ZNHIT6: variants seen among roughly 807,000 people sequenced by gnomAD.
The protein encoded by ZNHIT6 is zinc finger HIT-type containing 6.
Under a neutral mutation model 57.2 loss-of-function variants are expected in ZNHIT6, and 45 were observed. The observed-to-expected ratio is 0.79, with a 90% CI of 0.62 to 1.01. ZNHIT6 has a LOEUF of 1.01. Among genes scored for constraint, ZNHIT6 ranks in the 50% least tolerant of loss-of-function variants. The probability of loss-of-function intolerance (pLI) is 0.00; values close to 1 mark genes in which losing one functional copy is unlikely to be tolerated. For missense variants in ZNHIT6, 528 were observed against 567.3 expected, an observed-to-expected ratio of 0.93 and a Z score of 0.70; for synonymous variants, 188 against 190.0, an observed-to-expected ratio of 0.99 and a Z score of 0.09.
chr1:85,706,491 TACC>T lies in ZNHIT6; in HGVS notation c.670_672del (p.Gly224del), dbSNP rs1662690037. The T allele has an allele frequency of 1.3e-6, 2 of 1,583,714 alleles. No individual in the cohort carries two copies. Among genetic ancestry groups the T allele is most frequent in the Non-Finnish European group, 1.7e-6 (2 of 1,172,860 alleles). Reference sequence around the variant, plus strand: ...GGACATCTGTACTTTGCTTCTTCTGTACCACAAGTCTCACACCTACAAAAGCCC... The same window carrying T: ...GGACATCTGTACTTTGCTTCTTCTGTACAAGTCTCACACCTACAAAAGCCC... On this transcript the variant is annotated inframe_deletion, in exon 2 of 10. Transcript: ENST00000370574.
At chr1:85,687,619 A>C (rs1360400770) in intron 5 of ZNHIT6, among the ~76,000 whole-genome samples, 1 of 152,188 alleles carries the variant, frequency 6.6e-6, no homozygotes, top group Admixed American at 6.5e-5. Context: ...TCCATAGTAT[A>C]TTCAGGACAT....
At position 85,708,124 on chromosome 1, in the gene ZNHIT6, A is replaced by G. The variant is rs1570343169; in HGVS notation, c.161T>C (p.Ile54Thr). The change falls in exon 1 of 10, where the codon ATA becomes ACA. Residue 54 changes from isoleucine (I) to threonine (T), a missense_variant. Transcript: ENST00000370574. ...TTCCTCTCCATCCCCTATCTCCTTTATCCCTGTCAGCCCTGTCCCCTCCTC... is the reference window on the plus strand; with the variant it reads ...TTCCTCTCCATCCCCTATCTCCTTTGTCCCTGTCAGCCCTGTCCCCTCCTC... ...GGEEGTGLTG[I>T]KEIGDGEEGS... The G allele has an allele frequency of 6.2e-7, 1 of 1,613,220 alleles. No homozygotes were observed. Among genetic ancestry groups the G allele is most frequent in the East Asian group, 2.2e-5 (1 of 44,826 alleles).
intron 8 of ZNHIT6, among the ~76,000 whole-genome samples, chr1:85,666,197 G>A (rs190348172): frequency 5.9e-5 from 9 of 152,310 alleles, no homozygotes; most frequent in African/African-American, 2.2e-4. Flanking sequence ...TAGGAGGAGA[G>A]AGCTAGGTCT....
intron 5 of ZNHIT6, among the ~76,000 whole-genome samples, chr1:85,700,598 C>T (rs999276712): frequency 6.6e-6 from 1 of 152,294 alleles, no homozygotes; most frequent in Admixed American, 6.5e-5. Context: ...AGGCCATCTG[C>T]TTTTCATTAC....
Position 85,667,961 on chromosome 1 carries a change from A to AAAAAAAAAAAAAAAAAAATGTATAT in ZNHIT6, c.1247+9274_1247+9275insATATACATTTTTTTTTTTTTTTTTT. On this transcript the variant is annotated intron_variant, in intron 8 of 9. Coordinates refer to ENST00000370574, the MANE Select transcript of ZNHIT6 (RefSeq NM_017953.4). Reference sequence around the variant, plus strand: ...ACTCTCTCTTTCAAAAAAAAAAAAAAATATATATATATATATATATATATG... The same window carrying AAAAAAAAAAAAAAAAAAATGTATAT: ...ACTCTCTCTTTCAAAAAAAAAAAAAAAAAAAAAAAAAAAAAAAATGTATATATATATATATATATATATATATATG... 1.6e-4 allele frequency among the ~76,000 whole-genome samples: 3 copies of AAAAAAAAAAAAAAAAAAATGTATAT among 18,198 alleles called. 1 individual carries two copies. The highest frequency in any genetic ancestry group is 6.4e-4 in the African/African-American group (3 of 4,704). The allele number at this position is 18,198 out of a possible 152,430, so 11.9% of individuals were successfully genotyped here.
At chr1:85,691,440 C>T (rs1431800970) in intron 5 of ZNHIT6, among the ~76,000 whole-genome samples, 3 of 152,180 alleles carry the variant, frequency 2.0e-5, no homozygotes, top group African/African-American at 7.2e-5. Flanking sequence ...GAATGGAGTA[C>T]AGACAGTACA....
intron 5 of ZNHIT6, among the ~76,000 whole-genome samples, chr1:85,687,312 C>CAA (rs1557861302): frequency 1.5e-5 from 1 of 67,356 alleles, no homozygotes; most frequent in Non-Finnish European, 2.9e-5. Flanking sequence ...AAAAAAAAAA[C>CAA]AATTTAGAAC....
chr1:85,661,260 C>T (rs768809574), intron 8 of ZNHIT6, among the ~76,000 whole-genome samples: 1 of 152,072 alleles, frequency 6.6e-6, no homozygotes, highest in Admixed American at 6.5e-5. Flanking sequence ...GTTAAAGTTC[C>T]GGCTCCATCA....
At chr1:85,691,012 C>T (rs899394120) in intron 5 of ZNHIT6, among the ~76,000 whole-genome samples, 2 of 152,026 alleles carry the variant, frequency 1.3e-5, no homozygotes, top group East Asian at 1.9e-4. Flanking sequence ...GGTGACAGAC[C>T]GAGACTCCAT....
chr1:85,690,057 A>G (rs975633875), intron 5 of ZNHIT6, among the ~76,000 whole-genome samples: 1 of 152,196 alleles, frequency 6.6e-6, no homozygotes, highest in African/African-American at 2.4e-5. Context: ...TATCATGTGT[A>G]CTCTCACAGA....
chr1:85,673,771 C>A (rs1276686271), intron 8 of ZNHIT6, among the ~76,000 whole-genome samples: 2 of 110,058 alleles, frequency 1.8e-5, no homozygotes, highest in African/African-American at 6.3e-5. Flanking sequence ...CTGTAATGTA[C>A]TTTCCTTTAA....
chr1:85,703,188 C>T (rs905197161), intron 4 of ZNHIT6, among the ~76,000 whole-genome samples: 7 of 152,060 alleles, frequency 4.6e-5, no homozygotes, highest in Admixed American at 1.3e-4. Flanking sequence ...TAAGGGTGAA[C>T]CAGAAACAAT....
rs553908794 is a variant in ZNHIT6, at chr1:85,700,804, A to C, written c.1019+1353T>G. On this transcript the variant is annotated intron_variant, in intron 5 of 9. Transcript: ENST00000370574. ...TCATCTCACATTTGATAAATGCAAG[A>C]CATTACTTTACTTTTTTTTTGAGAC... Among the ~76,000 whole-genome samples the C allele has an allele frequency of 2.6e-5, 4 of 152,292 alleles. No homozygotes were observed. In the South Asian group the frequency reaches 6.2e-4, roughly 24 times the overall value.
Position 85,702,188 on chromosome 1 carries a change from T to C in ZNHIT6, c.988A>G (p.Arg330Gly), listed in dbSNP as rs1358560188. 14 of 1,610,316 alleles carry C rather than the reference T, an allele frequency of 8.7e-6. No homozygotes were observed. The highest frequency in any genetic ancestry group is 1.2e-5 in the Non-Finnish European group (14 of 1,178,998). The change falls in exon 5 of 10, where the codon AGG (arginine) becomes GGG (glycine). Residue 330 changes from arginine (R) to glycine (G), a missense_variant. By Grantham distance (125) the Arg-to-Gly change is moderately radical. Coordinates refer to ENST00000370574, the MANE Select transcript of ZNHIT6 (RefSeq NM_017953.4). Reference protein sequence around the residue: ...LKLLPNGFTKRKENSTFFDKK... With the variant: ...LKLLPNGFTKGKENSTFFDKK... ...TCAAAAAAGGTTGAATTCTCCTTCC[T>C]CTTGGTGAATCCATTGGGTAGAAGT...
Position 85,668,169 on chromosome 1 carries a change from T to C in ZNHIT6, c.1247+9067A>G, listed in dbSNP as rs1044977594. ...TTAAATAATAAAATTTCTTCTGAAC[T>C]GAATAATTTTAACTATTATTAACAT... On this transcript the variant is annotated intron_variant, in intron 8 of 9. Coordinates refer to ENST00000370574, the MANE Select transcript of ZNHIT6 (RefSeq NM_017953.4). 5.9e-5 allele frequency among the ~76,000 whole-genome samples: 9 copies of C among 151,588 alleles called. No homozygotes were observed. The East Asian group carries it at 9.7e-4, about 16-fold the overall frequency.
At chr1:85,699,871 A>G (rs1177281776) in intron 5 of ZNHIT6, among the ~76,000 whole-genome samples, 3 of 152,162 alleles carry the variant, frequency 2.0e-5, no homozygotes, top group East Asian at 1.9e-4. Flanking sequence ...AAGGTGGAAT[A>G]CCCTATTTAA....
intron 5 of ZNHIT6, among the ~76,000 whole-genome samples, chr1:85,687,737 C>A (rs894246515): frequency 6.6e-6 from 1 of 152,138 alleles, no homozygotes; most frequent in Non-Finnish European, 1.5e-5. Context: ...ATTTTTACTT[C>A]TGATTTTTAA....
chr1:85,659,013 A>G (rs748566592), intron 8 of ZNHIT6, among the ~76,000 whole-genome samples: 11 of 152,244 alleles, frequency 7.2e-5, no homozygotes, highest in Non-Finnish European at 1.6e-4. Context: ...GACAATTTCT[A>G]GTAACATGGC....
Position 85,707,570 on chromosome 1 carries a change from A to C in ZNHIT6, c.656+59T>G, listed in dbSNP as rs577207490. ...TTCTCCTGATAGTGTGGTTTCCTTC[A>C]CTCTAGACATGAGGACTCCACAGCT... On this transcript the variant is annotated intron_variant, in intron 1 of 9. Coordinates refer to ENST00000370574, the MANE Select transcript of ZNHIT6 (RefSeq NM_017953.4). 2.4e-5 allele frequency: 36 copies of C among 1,469,688 alleles called. 1 individual carries two copies. The African/African-American group carries it at 4.4e-4, about 18-fold the overall frequency. 91.0% of individuals were successfully genotyped at this position (1,469,688 alleles called of 1,614,324 possible).
Sources: allele counts gnomAD v4.1 joint callset (sites outside exome capture counted in the v4.1 genomes callset), GRCh38; gene constraint gnomAD v4.1.1; transcripts MANE v1.5; gene names NCBI Gene and HGNC (gene_info 2026-07-23, HGNC 2026-07-21).